KAT2B: variants seen among roughly 807,000 people sequenced by gnomAD.
KAT2B encodes the protein histone acetyltransferase KAT2B.
KAT2B carries 36 observed loss-of-function variants against 105.9 expected under a neutral mutation model. The ratio of observed to expected loss-of-function variants is 0.34; its 90% CI spans 0.26 to 0.45. The LOEUF (loss-of-function observed/expected upper bound fraction) is 0.45, where lower values mean the gene tolerates loss of function less well. KAT2B is among the 20% of genes least tolerant of loss of function. The pLI is 1.00. For missense variants in KAT2B, 820 were observed against 1,021.6 expected (o/e 0.80, Z 2.69); for synonymous variants, 397 against 377.9 (o/e 1.05, Z -0.59).
At position 20,079,450 on chromosome 3, in the gene KAT2B, C is replaced by T. The variant is rs956911505; in HGVS notation, c.430+6991C>T. On this transcript the variant is annotated intron_variant, in intron 2 of 17. Transcript: ENST00000263754. ...AACTCCTGACCTCAGGTAATCTGCC[C>T]GCTTCAGCCTCCCCAAATGCTGGGA... Among the ~76,000 whole-genome samples the T allele has an allele frequency of 9.2e-5, 14 of 152,102 alleles. No individual in the cohort carries two copies. In the East Asian group the frequency reaches 1.4e-3, roughly 15 times the overall value.
intron 1 of KAT2B, among the ~76,000 whole-genome samples, chr3:20,066,609 G>C (rs1698226756): frequency 6.6e-6 from 1 of 151,744 alleles, no homozygotes; most frequent in South Asian, 2.1e-4. Flanking sequence ...ATGTTGGCCA[G>C]GCTGGTCTCG....
chr3:20,073,840 C>T (rs2125182261), intron 2 of KAT2B, among the ~76,000 whole-genome samples: 1 of 152,234 alleles, frequency 6.6e-6, no homozygotes, highest in East Asian at 1.9e-4. Flanking sequence ...ATCCTTAAGC[C>T]CTAGGCTTGA....
At chr3:20,145,355 T>C (rs1443235980) in intron 13 of KAT2B, among the ~76,000 whole-genome samples, 1 of 152,194 alleles carries the variant, frequency 6.6e-6, no homozygotes, top group Admixed American at 6.5e-5. Flanking sequence ...ACTAGTCCCA[T>C]TCATTTTATG....
chr3:20,118,752 G>C (rs867240709), intron 7 of KAT2B, among the ~76,000 whole-genome samples: 5 of 136,012 alleles, frequency 3.7e-5, no homozygotes, highest in Non-Finnish European at 6.3e-5. Context: ...AAAAAAGAGA[G>C]AGAGCGAACT....
Position 20,111,642 on chromosome 3 carries a change from C to T in KAT2B, c.898C>T (p.Arg300Trp), listed in dbSNP as rs754096979. 4 of 1,613,736 alleles carry T rather than the reference C, an allele frequency of 2.5e-6. No homozygotes were observed. The highest frequency in any genetic ancestry group is 2.7e-5 in the African/African-American group (2 of 74,898). Residue 300 changes from arginine to tryptophan, a missense_variant, in exon 6 of 18, where the codon CGG (arginine) becomes TGG (tryptophan). Arg to Trp is a moderately radical substitution (Grantham distance 101). This residue lies in a region of KAT2B where 173 missense variants were observed against 249.5 expected (regional missense o/e 0.69). Transcript: ENST00000263754. ...NVPQFCDSLP[R>W]YETTQVFGRT... ...GCCACAGTTCTGCGACAGTCTACCT[C>T]GGTACGAAACCACACAGGTGTTTGG...
At chr3:20,128,169 T>C (rs1363290359) in intron 11 of KAT2B, among the ~76,000 whole-genome samples, 1 of 152,188 alleles carries the variant, frequency 6.6e-6, no homozygotes, top group African/African-American at 2.4e-5. Context: ...AACTCAAGTG[T>C]AGTCGATAGC....
At chr3:20,052,124 T>C in intron 1 of KAT2B, among the ~76,000 whole-genome samples, 1 of 152,366 alleles carries the variant, frequency 6.6e-6, no homozygotes. Context: ...TCTCTGTATC[T>C]TGTTCTCAAA....
rs868350233 is a variant in KAT2B, at chr3:20,071,449, T to G, written c.304-884T>G. Among the ~76,000 whole-genome samples, 9 of 152,376 alleles carry G rather than the reference T, an allele frequency of 5.9e-5. No individual in the cohort carries two copies. The Middle Eastern group carries it at 0.01, about 173-fold the overall frequency. On this transcript the variant is annotated intron_variant, in intron 1 of 17. Coordinates refer to ENST00000263754, the MANE Select transcript of KAT2B (RefSeq NM_003884.5). ...AGAAGGGGCAGAAGAATTATTTTTATAAGTGGCTGAGGTCATTCATTGCAA... is the reference window on the plus strand; with the variant it reads ...AGAAGGGGCAGAAGAATTATTTTTAGAAGTGGCTGAGGTCATTCATTGCAA...
intron 5 of KAT2B, among the ~76,000 whole-genome samples, chr3:20,106,993 A>ATG (rs1699023706): frequency 5.4e-5 from 1 of 18,358 alleles, no homozygotes; most frequent in Non-Finnish European, 8.6e-5. Context: ...ATATATATAT[A>ATG]TATATATATA....
At chr3:20,141,064 C>G (rs1035381315) in intron 13 of KAT2B, among the ~76,000 whole-genome samples, 7 of 152,196 alleles carry the variant, frequency 4.6e-5, no homozygotes, top group African/African-American at 1.7e-4. Flanking sequence ...CCACCCCGTT[C>G]ACTCAGCACA....
In KAT2B at chr3:20,144,603, T is replaced by C. The variant is rs575611537; in HGVS notation, c.2005-1713T>C. ...CAAGCCCAGCCAGGTTTCTTTTTTC[T>C]TTTTTTTTTTTAAGATTTGGACTTA... On this transcript the variant is annotated intron_variant, in intron 13 of 17. Coordinates refer to ENST00000263754, the MANE Select transcript of KAT2B (RefSeq NM_003884.5). 2.2e-4 allele frequency among the ~76,000 whole-genome samples: 16 copies of C among 74,188 alleles called. No individual in the cohort carries two copies. The South Asian group carries it at 0.011, about 49-fold the overall frequency. The allele number at this position is 74,188 out of a possible 152,430, so 48.7% of individuals were successfully genotyped here.
At chr3:20,087,132 G>C (rs1220227293) in intron 2 of KAT2B, among the ~76,000 whole-genome samples, 1 of 152,162 alleles carries the variant, frequency 6.6e-6, no homozygotes, top group Non-Finnish European at 1.5e-5. Flanking sequence ...ATGAGTTCTA[G>C]TGTTCTATGC....
chr3:20,048,167 C>A (rs1462008970), intron 1 of KAT2B, among the ~76,000 whole-genome samples: 3 of 151,908 alleles, frequency 2.0e-5, no homozygotes, highest in African/African-American at 7.3e-5. Context: ...GCCAAGCATA[C>A]AAAGGAAAAA....
At position 20,130,903 on chromosome 3, in the gene KAT2B, C is replaced by CGT. The variant is rs966688505; in HGVS notation, c.1749+3366_1749+3367dup. Reference sequence around the variant, plus strand: ...TGTGTGTGTTTTTTAATGGTAAGAACGTGTGTGTGTGTGCATGCGTGCGTG... The same window carrying CGT: ...TGTGTGTGTTTTTTAATGGTAAGAACGTGTGTGTGTGTGTGCATGCGTGCGTG... On this transcript the variant is annotated intron_variant, in intron 11 of 17. Transcript: ENST00000263754. Among the ~76,000 whole-genome samples, 67 of 146,988 alleles carry CGT rather than the reference C, an allele frequency of 4.6e-4. 1 individual carries two copies. The highest frequency in any genetic ancestry group is 4.2e-3 in the Admixed American group (62 of 14,630).
intron 1 of KAT2B, among the ~76,000 whole-genome samples, chr3:20,062,417 A>G (rs1282220109): frequency 8.8e-6 from 1 of 113,156 alleles, no homozygotes; most frequent in African/African-American, 4.0e-5. Flanking sequence ...TATATTATAT[A>G]TTATTATATA....
At chr3:20,076,425 T>C (rs1698420124) in intron 2 of KAT2B, among the ~76,000 whole-genome samples, 1 of 152,218 alleles carries the variant, frequency 6.6e-6, no homozygotes, top group Non-Finnish European at 1.5e-5. Flanking sequence ...CAAGTGGTCT[T>C]GGAATTATTG....
intron 2 of KAT2B, among the ~76,000 whole-genome samples, chr3:20,079,261 A>G (rs1213057902): frequency 4.5e-5 from 6 of 132,736 alleles, no homozygotes; most frequent in African/African-American, 1.8e-4. Context: ...CTGGAGTGCA[A>G]TGGTGCAATC....
chr3:20,053,280 G>T (rs769055854), intron 1 of KAT2B, among the ~76,000 whole-genome samples: 7 of 152,164 alleles, frequency 4.6e-5, no homozygotes, highest in African/African-American at 1.7e-4. Context: ...TCCCAGGTGT[G>T]GGATCCTACT....
chr3:20,119,821 G>A (rs1205565327), intron 8 of KAT2B, 98 bp downstream of exon 8: 3 of 1,314,114 alleles, frequency 2.3e-6, no homozygotes, highest in East Asian at 2.4e-5. Flanking sequence ...AGTACAGATT[G>A]TGCATGTCCA....
Sources: gnomAD v4.1 joint callset for allele counts (sites outside exome capture counted in the v4.1 genomes callset) on GRCh38, gnomAD v4.1.1 for gene constraint, gnomAD v4.1.1 regional missense constraint, MANE v1.5 for transcripts, NCBI Gene and HGNC (gene_info 2026-07-23, HGNC 2026-07-21) for gene names.